The following PARP9 variants were observed in gnomAD, a reference collection of about 807,000 sequenced individuals.
PARP9 encodes poly(ADP-ribose) polymerase family member 9.
PARP9 carries 48 observed loss-of-function variants against 68.8 expected under a neutral mutation model. That is an observed-to-expected ratio of 0.70 (90% CI 0.55 to 0.89). The LOEUF (loss-of-function observed/expected upper bound fraction) is 0.89. Ranked by LOEUF, PARP9 falls within the 40% of genes least tolerant of loss-of-function variation. The probability of loss-of-function intolerance (pLI) is 0.00; values close to 1 mark genes in which losing one functional copy is unlikely to be tolerated. For missense variants in PARP9, 806 were observed against 969.3 expected (o/e 0.83, Z 2.24); for synonymous variants, 309 against 333.8 (o/e 0.93, Z 0.81).
intron 4 of PARP9, among the ~76,000 whole-genome samples, chr3:122,554,237 T>C (rs1239205095): frequency 2.0e-5 from 3 of 152,104 alleles, no homozygotes; most frequent in Non-Finnish European, 2.9e-5. Flanking sequence ...CTGCCAATCA[T>C]ACCCATCGAA....
intron 5 of PARP9, 61 bp from the exon 6 acceptor site, chr3:122,550,863 C>A: frequency 7.1e-7 from 1 of 1,412,176 alleles, no homozygotes; most frequent in East Asian, 2.4e-5. Flanking sequence ...CCACTTACCC[C>A]TTGATCCTGC....
intron 10 of PARP9, 41 bp downstream of exon 10, chr3:122,536,127 A>T: frequency 2.5e-6 from 4 of 1,613,876 alleles, no homozygotes; most frequent in Non-Finnish European, 3.4e-6. Context: ...AGCTCACCAA[A>T]TTCCACAGAG....
chr3:122,549,228 C>T (rs1257124606), intron 6 of PARP9, among the ~76,000 whole-genome samples: 1 of 152,146 alleles, frequency 6.6e-6, no homozygotes, highest in African/African-American at 2.4e-5. Flanking sequence ...GTTAGCTACA[C>T]TGGTCTCAAA....
rs1228144810 is a variant in PARP9 at position 122,555,868 on chromosome 3, C to T, written c.303G>A (p.Val101=). 3 of 1,613,974 alleles carry T rather than the reference C, an allele frequency of 1.9e-6. No individual in the cohort carries two copies. Among genetic ancestry groups the T allele is most frequent in the Non-Finnish European group, 2.5e-6 (3 of 1,180,020 alleles). The change falls in exon 4 of 11, where the codon GTG becomes GTA. Residue 101 remains valine, a synonymous_variant. Coordinates refer to ENST00000682323, the MANE Select transcript of PARP9 (RefSeq NM_001146105.2). ...DLTTHAVDAV[V]NAANEDLLHG... ...GCAGAAGATCTTCATTGGCTGCATT[C>T]ACCACAGCATCAACAGCATGTGTGG...
chr3:122,534,760 C>T (rs1559804490), intron 10 of PARP9: 2 of 300,578 alleles, frequency 6.7e-6, no homozygotes, highest in East Asian at 1.7e-4. Flanking sequence ...CCTGTAATCC[C>T]AGCTACCTGG....
At chr3:122,557,710 C>A (rs994469293) in intron 3 of PARP9, among the ~76,000 whole-genome samples, 1 of 152,158 alleles carries the variant, frequency 6.6e-6, no homozygotes, top group African/African-American at 2.4e-5. Flanking sequence ...CTCTCTTTAC[C>A]TTTCACAGTG....
intron 6 of PARP9, among the ~76,000 whole-genome samples, chr3:122,547,007 TATATATAC>T (rs1201720398): frequency 0.023 from 2,499 of 109,606 alleles, 28 homozygotes; most frequent in South Asian, 0.028. Flanking sequence ...TATATATATA[TATATATAC>T]ACACACACAC....
intron 10 of PARP9, among the ~76,000 whole-genome samples, chr3:122,529,444 T>G (rs539457970): frequency 6.6e-6 from 1 of 152,054 alleles, no homozygotes; most frequent in South Asian, 2.1e-4. Flanking sequence ...AAGGTTCTGT[T>G]TCCCTTAGAA....
chr3:122,536,080 A>T (rs566653579), intron 10 of PARP9, 88 bp downstream of exon 10: 158 of 1,602,478 alleles, frequency 9.9e-5, no homozygotes, highest in Non-Finnish European at 1.3e-4. Context: ...CTTCCCCACA[A>T]CAACAAATGC....
chr3:122,558,328 C>CCTGAGCA (rs1440223470), intron 3 of PARP9, 106 bp downstream of exon 3: 1 of 1,613,828 alleles, frequency 6.2e-7, no homozygotes, highest in Non-Finnish European at 8.5e-7. Flanking sequence ...CAGTCACGCA[C>CCTGAGCA]CTGAGCACTT....
chr3:122,528,517 G>C lies in PARP9; in HGVS notation c.2307C>G (p.Thr769=). The C allele has an allele frequency of 6.2e-7, 1 of 1,614,158 alleles. No homozygotes were observed. The highest frequency in any genetic ancestry group is 8.5e-7 in the Non-Finnish European group (1 of 1,180,032). Residue 769 remains threonine, a synonymous_variant, in exon 11 of 11, where the codon ACC becomes ACG. Coordinates refer to ENST00000682323, the MANE Select transcript of PARP9 (RefSeq NM_001146105.2). ...SVVDNVSSPE[T]FVIFSGMQAI... ...CCTGCATGCCACTAAAAATAACAAAGGTTTCAGGGCTGGAGACATTGTCAA... is the reference window on the plus strand; with the variant it reads ...CCTGCATGCCACTAAAAATAACAAACGTTTCAGGGCTGGAGACATTGTCAA...
At chr3:122,550,064 T>A (rs2079074943) in intron 6 of PARP9, among the ~76,000 whole-genome samples, 1 of 152,090 alleles carries the variant, frequency 6.6e-6, no homozygotes, top group Non-Finnish European at 1.5e-5. Flanking sequence ...AAACATGGCT[T>A]CTTTGTTTTT....
intron 7 of PARP9, 113 bp downstream of exon 7, chr3:122,545,319 A>T (rs1429125683): frequency 9.3e-7 from 1 of 1,073,974 alleles, no homozygotes; most frequent in African/African-American, 1.6e-5. Flanking sequence ...ACCACAATGC[A>T]ATACCTTTGG....
chr3:122,553,014 C>T (rs748637481), intron 4 of PARP9, among the ~76,000 whole-genome samples: 55 of 152,126 alleles, frequency 3.6e-4, no homozygotes, highest in Non-Finnish European at 4.7e-4. Flanking sequence ...TTTGCTATTT[C>T]GTCGTGGGTT....
intron 6 of PARP9, among the ~76,000 whole-genome samples, chr3:122,549,038 G>A (rs1006472321): frequency 9.3e-5 from 14 of 150,258 alleles, no homozygotes; most frequent in African/African-American, 3.4e-4. Flanking sequence ...TTTTGAGATG[G>A]AGTTTCACTC....
At chr3:122,564,416 C>G (rs372600946), upstream of PARP9, 3 of 1,602,818 alleles carry the variant, frequency 1.9e-6, no homozygotes, top group African/African-American at 1.3e-5. Context: ...GCCCTCCCGA[C>G]GCGCAGAGCC....
At chr3:122,545,737 T>C (rs985561803) in intron 6 of PARP9, 5 of 487,172 alleles carry the variant, frequency 1.0e-5, no homozygotes, top group African/African-American at 3.9e-5. Flanking sequence ...AAGAAGACTA[T>C]ACATTCCGAG....
At chr3:122,564,462 C>T (rs1187052147), upstream of PARP9, 14 of 1,612,042 alleles carry the variant, frequency 8.7e-6, no homozygotes, top group Middle Eastern at 1.8e-4. Flanking sequence ...CCCCGCTCCT[C>T]GTGCGGGTGT....
chr3:122,564,765 G>C, upstream of PARP9: 3 of 985,546 alleles, frequency 3.0e-6, no homozygotes, highest in Non-Finnish European at 4.3e-6. Context: ...ACTGCCAAGA[G>C]ACTCACTGAG....
Sources: gnomAD v4.1 joint callset for allele counts (sites outside exome capture counted in the v4.1 genomes callset) on GRCh38, gnomAD v4.1.1 for gene constraint, MANE v1.5 for transcripts, NCBI Gene and HGNC (gene_info 2026-07-23, HGNC 2026-07-21) for gene names.